Variants in LRP6 observed in about 807,000 individuals in gnomAD.
LRP6 encodes low-density lipoprotein receptor-related protein 6.
A neutral mutation model predicts 184.1 loss-of-function variants in LRP6; 43 were observed. The observed-to-expected ratio is 0.23, with a 90% CI of 0.18 to 0.30. LRP6 has a LOEUF of 0.30. Ranked by LOEUF, LRP6 falls within the 10% of genes least tolerant of loss-of-function variation. LRP6 has a pLI of 1.00. For missense variants in LRP6, 1,571 were observed against 2,005.3 expected, an observed-to-expected ratio of 0.78 and a Z score of 4.14; for synonymous variants, 719 against 684.9, an observed-to-expected ratio of 1.05 and a Z score of -0.78.
intron 7 of LRP6, among the ~76,000 whole-genome samples, chr12:12,178,430 G>T (rs1409033240): frequency 1.3e-5 from 2 of 152,096 alleles, no homozygotes; most frequent in Non-Finnish European, 2.9e-5. Flanking sequence ...TAAATTTGGT[G>T]CATTCCCTTA....
chr12:12,131,479 G>T (rs1454049589), intron 18 of LRP6, among the ~76,000 whole-genome samples: 1 of 152,118 alleles, frequency 6.6e-6, no homozygotes, highest in Non-Finnish European at 1.5e-5. Context: ...TTTACCATGG[G>T]AAAAGTTAGT....
chr12:12,121,216 A>G lies in LRP6; in HGVS notation c.4752T>C (p.Tyr1584=), dbSNP rs1261368016. The change falls in exon 23 of 23, where the codon TAT becomes TAC. Residue 1584 remains tyrosine (Y), a synonymous_variant. Coordinates refer to ENST00000261349, the MANE Select transcript of LRP6 (RefSeq NM_002336.3). Reference sequence around the variant, plus strand: ...TGTATGGAGAAGGTGGGCAGCTTTCATAGTTCTCCTCTGCTGACAAGTATT... The same window carrying G: ...TGTATGGAGAAGGTGGGCAGCTTTCGTAGTTCTCCTCTGCTGACAAGTATT... ...RSQYLSAEEN[Y]ESCPPSPYTE... is the part of the protein sequence containing the mutation. 3.7e-6 allele frequency: 6 copies of G among 1,614,140 alleles called. No homozygotes were observed. In the Admixed American group the frequency reaches 8.3e-5, roughly 22 times the overall value.
Position 12,135,238 on chromosome 12 carries a change from C to T in LRP6, c.3670G>A (p.Gly1224Ser), listed in dbSNP as rs749736350. ...ATGGGGCAAGAACACCTTGTAGTAC[C>T]ATCCCCCTTTACAAGACAAATATGT... ...CSHICLVKGD[G>S]TTRCSCPMHL... Residue 1224 changes from glycine (G) to serine (S), a missense_variant, in exon 17 of 23, where the codon GGT becomes AGT. Physicochemically the swap from Gly to Ser is moderately conservative, Grantham distance 56. Coordinates refer to ENST00000261349, the MANE Select transcript of LRP6 (RefSeq NM_002336.3). 1 of 1,613,576 alleles carries T rather than the reference C, an allele frequency of 6.2e-7. No individual in the cohort carries two copies. The highest frequency in any genetic ancestry group is 8.5e-7 in the Non-Finnish European group (1 of 1,179,742).
At chr12:12,244,179 T>G in intron 2 of LRP6, 83 bp downstream of exon 2, 1 of 1,364,592 alleles carries the variant, frequency 7.3e-7, no homozygotes, top group Non-Finnish European at 1.0e-6. Context: ...CTTTCTTTTC[T>G]CATAGGGGTC....
intron 1 of LRP6, among the ~76,000 whole-genome samples, chr12:12,264,927 T>C (rs1025153177): frequency 6.6e-6 from 1 of 152,190 alleles, no homozygotes; most frequent in African/African-American, 2.4e-5. Context: ...CATAAATAAG[T>C]GCAACCTATC....
intron 1 of LRP6, among the ~76,000 whole-genome samples, chr12:12,253,507 G>A (rs957685680): frequency 7.3e-5 from 11 of 151,656 alleles, no homozygotes; most frequent in Non-Finnish European, 1.2e-4. Context: ...CATGTGCCAT[G>A]TTGGTGTGCT....
intron 3 of LRP6, 123 bp downstream of exon 3, chr12:12,203,078 CTA>C: frequency 3.1e-6 from 2 of 651,332 alleles, no homozygotes; most frequent in Non-Finnish European, 5.2e-6. Flanking sequence ...AACTAAAAGA[CTA>C]TTCTTCTTCC....
intron 15 of LRP6, 140 bp downstream of exon 15, chr12:12,147,226 C>A: frequency 2.3e-6 from 2 of 885,410 alleles, no homozygotes. Flanking sequence ...AAGCTCTTCA[C>A]CAACCAACCT....
At chr12:12,259,917 CTGAA>C (rs2135944011) in intron 1 of LRP6, among the ~76,000 whole-genome samples, 1 of 152,258 alleles carries the variant, frequency 6.6e-6, no homozygotes, top group African/African-American at 2.4e-5. Flanking sequence ...AATCCACCAA[CTGAA>C]TAATTGTTGT....
intron 2 of LRP6, among the ~76,000 whole-genome samples, chr12:12,219,355 G>A (rs569219342): frequency 3.4e-4 from 52 of 152,160 alleles, no homozygotes; most frequent in Admixed American, 9.2e-4. Flanking sequence ...ATAGGTGCCC[G>A]CCACCACGCC....
At chr12:12,179,336 C>A (rs1312609829) in intron 7 of LRP6, among the ~76,000 whole-genome samples, 1 of 151,196 alleles carries the variant, frequency 6.6e-6, no homozygotes, top group Non-Finnish European at 1.5e-5. Flanking sequence ...CTACCATCTG[C>A]CCCAACACCA....
intron 7 of LRP6, among the ~76,000 whole-genome samples, chr12:12,175,727 A>AAAAT (rs1298008650): frequency 1.0e-4 from 12 of 119,890 alleles, no homozygotes; most frequent in African/African-American, 3.0e-4. Context: ...AAAATAAAAT[A>AAAAT]AAATAAATAA....
At chr12:12,128,808 T>C (rs1949708831) in intron 19 of LRP6, among the ~76,000 whole-genome samples, 1 of 152,166 alleles carries the variant, frequency 6.6e-6, no homozygotes, top group Non-Finnish European at 1.5e-5. Flanking sequence ...CTCCAGTCAC[T>C]CAGTGAGGTA....
intron 2 of LRP6, among the ~76,000 whole-genome samples, chr12:12,241,106 A>AT (rs937676785): frequency 2.6e-5 from 4 of 152,164 alleles, no homozygotes; most frequent in Non-Finnish European, 5.9e-5. Context: ...AAGCACACAG[A>AT]TGTCTGCACT....
At chr12:12,173,718 C>T (rs1863104746) in intron 7 of LRP6, among the ~76,000 whole-genome samples, 1 of 152,132 alleles carries the variant, frequency 6.6e-6, no homozygotes, top group East Asian at 1.9e-4. Flanking sequence ...CTCAAGGGAT[C>T]CAGGGATCCT....
chr12:12,265,369 T>G (rs1345464879), intron 1 of LRP6, among the ~76,000 whole-genome samples: 1 of 152,172 alleles, frequency 6.6e-6, no homozygotes, highest in Non-Finnish European at 1.5e-5. Flanking sequence ...AACACAATGC[T>G]GCATTACTAC....
At chr12:12,125,238 G>A (rs1949656612) in intron 21 of LRP6, 58 bp downstream of exon 21, 2 of 1,593,496 alleles carry the variant, frequency 1.3e-6, no homozygotes, top group African/African-American at 1.3e-5. Flanking sequence ...ACATTTAAAT[G>A]AGTTAAAAAA....
At chr12:12,255,396 T>C (rs1483180774) in intron 1 of LRP6, among the ~76,000 whole-genome samples, 2 of 150,052 alleles carry the variant, frequency 1.3e-5, no homozygotes, top group African/African-American at 4.9e-5. Flanking sequence ...AAGTTCCTGA[T>C]AGCCCTGCTT....
chr12:12,178,616 G>A (rs977603151), intron 7 of LRP6, among the ~76,000 whole-genome samples: 1 of 152,158 alleles, frequency 6.6e-6, no homozygotes, highest in Admixed American at 6.5e-5. Context: ...AAGCCTGTCT[G>A]AAACATAAAC....
Sources: allele counts gnomAD v4.1 joint callset (sites outside exome capture counted in the v4.1 genomes callset), GRCh38; gene constraint gnomAD v4.1.1; transcripts MANE v1.5; gene names NCBI Gene and HGNC (gene_info 2026-07-23, HGNC 2026-07-21).